ZNF442: variants seen among roughly 807,000 people sequenced by gnomAD.
ZNF442 encodes zinc finger protein 442.
ZNF442 carries 45 observed loss-of-function variants against 57.0 expected under a neutral mutation model. The observed-to-expected ratio is 0.79, with a 90% CI of 0.62 to 1.01. ZNF442 has a LOEUF of 1.01. Ranked by LOEUF, ZNF442 falls within the 50% of genes least tolerant of loss-of-function variation. ZNF442 has a pLI of 0.00. For synonymous variants in ZNF442, 213 were observed against 241.8 expected (o/e 0.88, Z 1.10); for missense variants, 690 against 756.5 (o/e 0.91, Z 1.03).
At chr19:12,372,583 T>C in the ZNF442 span, among the ~76,000 whole-genome samples, 2 of 152,380 alleles carry the variant, frequency 1.3e-5, no homozygotes, top group East Asian at 3.9e-4. Context: ...CATGAATTTA[T>C]GTGTCAAGAG....
At chr19:12,352,932 T>G in intron 4 of ZNF442, 56 bp downstream of exon 4, 2 of 1,579,770 alleles carry the variant, frequency 1.3e-6, no homozygotes, top group Non-Finnish European at 1.7e-6. Context: ...ACAGCATTGA[T>G]GACCAAGAAA....
rs960565416 is a variant in ZNF442 at position 12,348,393 on chromosome 19, C to G, written c.*1308G>C. 3 of 151,934 alleles carry G rather than the reference C, an allele frequency of 2.0e-5. No individual in the cohort carries two copies. Among genetic ancestry groups the G allele is most frequent in the Non-Finnish European group, 1.5e-5 (1 of 67,970 alleles). The allele number at this position is 151,934 out of a possible 1,614,324, so 9.4% of individuals were successfully genotyped here. A position where few individuals can be genotyped will look rare whatever the true frequency, so the allele number is the denominator to read the frequency against. Reference sequence around the variant, plus strand: ...TAAAAATAAAATAAAGATTGCCATCCTCAAGTAAGATCCTTCAATGGAACA... The same window carrying G: ...TAAAAATAAAATAAAGATTGCCATCGTCAAGTAAGATCCTTCAATGGAACA... On this transcript the variant is annotated 3_prime_UTR_variant, in exon 6 of 6. Transcript: ENST00000242804.
the ZNF442 span, among the ~76,000 whole-genome samples, chr19:12,372,975 T>C: frequency 6.6e-6 from 1 of 152,320 alleles, no homozygotes; most frequent in South Asian, 2.1e-4. Flanking sequence ...GGTTTCACCA[T>C]GTTGGCCAGG....
intron 3 of ZNF442, among the ~76,000 whole-genome samples, chr19:12,357,148 C>T (rs1306040332): frequency 1.3e-5 from 2 of 152,090 alleles, no homozygotes; most frequent in Non-Finnish European, 2.9e-5. Context: ...CTCCTTTCAT[C>T]TCTTCATGTC....
rs1271711281 is a variant in ZNF442, at chr19:12,346,412, AT to A, written c.*3288del. On this transcript the variant is annotated 3_prime_UTR_variant, in exon 6 of 6. Coordinates refer to ENST00000242804, the MANE Select transcript of ZNF442 (RefSeq NM_030824.3). ...ATGAAAAAGCAGTACAGAACCATTA[AT>A]TGGCTATTATGAAAAAAATACGACA... 3 of 152,220 alleles carry A rather than the reference AT, an allele frequency of 2.0e-5. No individual in the cohort carries two copies. Among genetic ancestry groups the A allele is most frequent in the African/African-American group, 7.2e-5 (3 of 41,462 alleles). The allele number at this position is 152,220 out of a possible 1,614,324, so 9.4% of individuals were successfully genotyped here. A position where few individuals can be genotyped will look rare whatever the true frequency, so the allele number is the denominator to read the frequency against.
intron 3 of ZNF442, among the ~76,000 whole-genome samples, chr19:12,358,118 T>C (rs910695241): frequency 2.0e-5 from 3 of 151,994 alleles, no homozygotes; most frequent in African/African-American, 7.2e-5. Flanking sequence ...CCCACCACCA[T>C]GCCTGGCTAA....
rs947081922 is a variant in ZNF442 at position 12,346,022 on chromosome 19, T to C, written c.*3679A>G. 3.9e-5 allele frequency: 6 copies of C among 152,020 alleles called. No homozygotes were observed. The highest frequency in any genetic ancestry group is 1.4e-4 in the African/African-American group (6 of 41,400). 9.4% of individuals were successfully genotyped at this position (152,020 alleles called of 1,614,324 possible). A position where few individuals can be genotyped will look rare whatever the true frequency, so the allele number is the denominator to read the frequency against. The stretch of plus-strand genomic sequence containing the variant: ...CCAATAAAAGATAAACTGGACTACA[T>C]CGAAATTAAAAACTTTTGCGCACCA... On this transcript the variant is annotated 3_prime_UTR_variant, in exon 6 of 6. Coordinates refer to ENST00000242804, the MANE Select transcript of ZNF442 (RefSeq NM_030824.3).
the ZNF442 span, among the ~76,000 whole-genome samples, chr19:12,370,976 A>G: frequency 6.6e-6 from 1 of 151,510 alleles, no homozygotes; most frequent in African/African-American, 2.4e-5. Flanking sequence ...CCATCTCAAA[A>G]AAAAAAAAAA....
rs370840438 is a variant in ZNF442, at chr19:12,354,239, G to A, written c.79-1125C>T. Among the ~76,000 whole-genome samples, 551 of 152,224 alleles carry A rather than the reference G, an allele frequency of 3.6e-3. 2 individuals are homozygous for A. Among genetic ancestry groups the A allele is most frequent in the African/African-American group, 0.013 (527 of 41,548 alleles). On this transcript the variant is annotated intron_variant, in intron 3 of 5. Transcript: ENST00000242804. Reference sequence around the variant, plus strand: ...TGATTACACTAAGAGAGAACATTTAGAAGCCAGCAACAGGTTTCCTCTAGA... The same window carrying A: ...TGATTACACTAAGAGAGAACATTTAAAAGCCAGCAACAGGTTTCCTCTAGA...
chr19:12,351,857 A>G (rs1054816134), intron 5 of ZNF442, 153 bp downstream of exon 5: 5 of 626,880 alleles, frequency 8.0e-6, no homozygotes, highest in African/African-American at 1.8e-5. Flanking sequence ...GAATAGTTAT[A>G]TCACATTTAA....
Position 12,349,869 on chromosome 19 carries a change from A to G in ZNF442, c.1716T>C (p.Tyr572=), listed in dbSNP as rs1645995767. ...HERIHTGKKS[Y]ECQQCGKAFT... is the part of the protein sequence containing the mutation. ...AGGCTTTACCACATTGTTGACATTC[A>G]TAAGATTTCTTTCCAGTGTGAATTC... Residue 572 remains tyrosine (Y), a synonymous_variant, in exon 6 of 6, where the codon TAT becomes TAC. Coordinates refer to ENST00000242804, the MANE Select transcript of ZNF442 (RefSeq NM_030824.3). 2 of 1,613,790 alleles carry G rather than the reference A, an allele frequency of 1.2e-6. No homozygotes were observed. Among genetic ancestry groups the G allele is most frequent in the Non-Finnish European group, 1.7e-6 (2 of 1,179,936 alleles).
intron 3 of ZNF442, among the ~76,000 whole-genome samples, chr19:12,362,010 G>C (rs1024866503): frequency 6.6e-6 from 1 of 152,192 alleles, no homozygotes; most frequent in Non-Finnish European, 1.5e-5. Context: ...ACGGAGTCTC[G>C]TTCACTCAGT....
Position 12,350,427 on chromosome 19 carries a change from T to C in ZNF442, c.1158A>G (p.Leu386=), listed in dbSNP as rs1568485525. The change falls in exon 6 of 6, where the codon TTA becomes TTG. Residue 386 remains leucine (L), a synonymous_variant. Transcript: ENST00000242804. The stretch of plus-strand genomic sequence containing the variant: ...GACTTCGAAAGCTTGAGTGATGAGA[T>C]AACGCTTTCCCACACTGCTTGCATT... The part of the protein sequence containing the change: ...PYECKQCGKA[L]SHHSSFRSHM... 1.2e-6 allele frequency: 2 copies of C among 1,612,830 alleles called. No homozygotes were observed. The highest frequency in any genetic ancestry group is 2.2e-5 in the East Asian group (1 of 44,756).
At position 12,347,847 on chromosome 19, in the gene ZNF442, T is replaced by C. The variant is rs992561513; in HGVS notation, c.*1854A>G. The C allele has an allele frequency of 2.0e-5, 3 of 152,210 alleles. No individual in the cohort carries two copies. Among genetic ancestry groups the C allele is most frequent in the South Asian group, 4.1e-4 (2 of 4,822 alleles). The allele number at this position is 152,210 out of a possible 1,614,324, so 9.4% of individuals were successfully genotyped here. On this transcript the variant is annotated 3_prime_UTR_variant, in exon 6 of 6. Transcript: ENST00000242804. ...TGTTGAGCCACCTTCTCATCTCTCC[T>C]TTCCTTAATCTTTCTATCCCAACAC...
the ZNF442 span, among the ~76,000 whole-genome samples, chr19:12,371,967 G>C: frequency 1.3e-5 from 2 of 152,140 alleles, no homozygotes; most frequent in Non-Finnish European, 2.9e-5. Context: ...AAATTTAAGA[G>C]CTTCTGTACA....
At chr19:12,351,940 T>C (rs1375727752) in intron 5 of ZNF442, 70 bp downstream of exon 5, 9 of 1,410,552 alleles carry the variant, frequency 6.4e-6, no homozygotes, top group Non-Finnish European at 7.9e-6. Context: ...CTTTGCCTAG[T>C]TGTATAATTT....
chr19:12,351,429 T>G (rs1296659820), intron 5 of ZNF442, 111 bp from the exon 6 acceptor site: 1 of 960,420 alleles, frequency 1.0e-6, no homozygotes, highest in Non-Finnish European at 1.5e-6. Flanking sequence ...GTAGGCTTCA[T>G]GCACTGCTTG....
chr19:12,369,911 A>C (rs925996689), upstream of ZNF442, among the ~76,000 whole-genome samples: 1 of 151,826 alleles, frequency 6.6e-6, no homozygotes, highest in Non-Finnish European at 1.5e-5. Flanking sequence ...TCTAAAAAAA[A>C]AAAAACACGA....
intron 3 of ZNF442, among the ~76,000 whole-genome samples, chr19:12,358,242 C>T (rs1326969242): frequency 5.3e-5 from 8 of 152,042 alleles, no homozygotes; most frequent in Non-Finnish European, 7.4e-5. Context: ...GGATTACAGG[C>T]GTGAGCCACC....
Sources: allele counts gnomAD v4.1 joint callset (sites outside exome capture counted in the v4.1 genomes callset), GRCh38; gene constraint gnomAD v4.1.1; transcripts MANE v1.5; gene names NCBI Gene and HGNC (gene_info 2026-07-23, HGNC 2026-07-21).